Variants in PDE11A observed in about 807,000 individuals in gnomAD.
The protein encoded by PDE11A is phosphodiesterase 11A, also known as dual 3',5'-cyclic-AMP and -GMP phosphodiesterase 11A.
A neutral mutation model predicts 100.5 loss-of-function variants in PDE11A; 100 were observed. The observed-to-expected ratio is 1.00, with a 90% CI of 0.85 to 1.18. The LOEUF is 1.18. PDE11A is among the 50% of genes most tolerant of loss of function. The pLI, the probability that PDE11A is intolerant of heterozygous loss-of-function variation, is 0.00. For synonymous variants in PDE11A, 381 were observed against 420.8 expected, an observed-to-expected ratio of 0.91 and a Z score of 1.16; for missense variants, 1,141 against 1,152.6, an observed-to-expected ratio of 0.99 and a Z score of 0.15.
chr2:177,700,249 G>A (rs2081176801), intron 14 of PDE11A, among the ~76,000 whole-genome samples: 1 of 152,096 alleles, frequency 6.6e-6, no homozygotes, highest in African/African-American at 2.4e-5. Flanking sequence ...CAAAAGACAT[G>A]CTTTCTCAAG....
intron 9 of PDE11A, among the ~76,000 whole-genome samples, chr2:177,789,565 AG>A (rs1475351827): frequency 5.9e-5 from 9 of 151,788 alleles, no homozygotes; most frequent in Non-Finnish European, 1.2e-4. Flanking sequence ...AAGGAAATAA[AG>A]GGTATTCAAT....
chr2:177,821,780 C>T lies in PDE11A; in HGVS notation c.1501-1485G>A, dbSNP rs527754038. Among the ~76,000 whole-genome samples the T allele has an allele frequency of 4.6e-5, 7 of 151,860 alleles. No homozygotes were observed. In the South Asian group the frequency reaches 1.0e-3, roughly 23 times the overall value. ...TCCTGACATAATTATTAATAATATG[C>T]CTTTCATTCTCAAAAGTGTCTAAAT... On this transcript the variant is annotated intron_variant, in intron 6 of 19. Transcript: ENST00000286063.
intron 1 of PDE11A, among the ~76,000 whole-genome samples, chr2:178,026,317 T>C (rs1199383038): frequency 6.6e-6 from 1 of 152,196 alleles, no homozygotes; most frequent in Admixed American, 6.5e-5. Context: ...TTAGGTTTTA[T>C]TGTTAATATG....
upstream of PDE11A, chr2:178,073,075 G>T (rs1307549420): frequency 5.1e-6 from 5 of 985,230 alleles, no homozygotes; most frequent in African/African-American, 7.0e-5. Flanking sequence ...ATCCGTTAGC[G>T]TTTCGAGGAG....
intron 19 of PDE11A, among the ~76,000 whole-genome samples, chr2:177,643,043 C>T (rs923497511): frequency 6.6e-6 from 1 of 152,152 alleles, no homozygotes; most frequent in African/African-American, 2.4e-5. Context: ...ACTGTAAGTC[C>T]CTTAAACCTC....
chr2:177,807,446 G>A (rs10190560), intron 9 of PDE11A, among the ~76,000 whole-genome samples: 5,427 of 149,614 alleles, frequency 0.036, 296 homozygotes, highest in African/African-American at 0.12. Context: ...TTTTTGAGAC[G>A]GGGCTTGCTC....
intron 4 of PDE11A, among the ~76,000 whole-genome samples, chr2:177,891,057 T>A (rs1385153500): frequency 6.6e-6 from 1 of 152,232 alleles, no homozygotes; most frequent in Non-Finnish European, 1.5e-5. Context: ...AGGAATGCAG[T>A]AAGTATCCTT....
chr2:177,786,519 C>A (rs1487198139), intron 9 of PDE11A, among the ~76,000 whole-genome samples: 1 of 152,114 alleles, frequency 6.6e-6, no homozygotes, highest in African/African-American at 2.4e-5. Flanking sequence ...TCACCAGCAA[C>A]GGAACAAAGC....
intron 2 of PDE11A, among the ~76,000 whole-genome samples, chr2:178,099,572 T>C (rs1281229058): frequency 2.0e-5 from 3 of 151,558 alleles, no homozygotes; most frequent in Admixed American, 2.0e-4. Context: ...CCCATTAGGA[T>C]GGCTGTTATC....
At chr2:177,675,841 T>C in intron 16 of PDE11A, 1 of 425,262 alleles carries the variant, frequency 2.4e-6, no homozygotes, top group Non-Finnish European at 4.5e-6. Context: ...TAATGGACAA[T>C]GTTGTTGGGT....
intron 15 of PDE11A, among the ~76,000 whole-genome samples, chr2:177,686,311 A>G (rs1002782015): frequency 1.3e-5 from 2 of 152,204 alleles, no homozygotes; most frequent in Non-Finnish European, 2.9e-5. Flanking sequence ...TCACGCCTGT[A>G]ATCCCAGTGC....
chr2:177,887,514 A>G (rs1295600922), intron 4 of PDE11A, among the ~76,000 whole-genome samples: 3 of 152,154 alleles, frequency 2.0e-5, no homozygotes, highest in Non-Finnish European at 4.4e-5. Context: ...TTGTAATCCC[A>G]ACACTTTGGG....
intron 17 of PDE11A, among the ~76,000 whole-genome samples, chr2:177,670,137 G>A (rs960332104): frequency 6.6e-6 from 1 of 152,122 alleles, no homozygotes; most frequent in Non-Finnish European, 1.5e-5. Context: ...CAGGACTAAT[G>A]CCAGATTCAC....
At chr2:178,016,369 A>G (rs981187463) in intron 1 of PDE11A, among the ~76,000 whole-genome samples, 4 of 152,038 alleles carry the variant, frequency 2.6e-5, no homozygotes, top group South Asian at 2.1e-4. Flanking sequence ...GGAGAGTCCA[A>G]TTAAAGAGAG....
At chr2:177,841,917 TTC>T (rs1032778195) in intron 5 of PDE11A, among the ~76,000 whole-genome samples, 2 of 152,268 alleles carry the variant, frequency 1.3e-5, no homozygotes, top group Non-Finnish European at 2.9e-5. Context: ...AGTTTTTATT[TTC>T]TTTTTGCTGT....
chr2:178,096,946 G>T lies in PDE11A; in HGVS notation c.162+7356C>A, dbSNP rs561464482. ...CTGTCACCTAGGCTGTAGTGCAGTGGTGCAATCGCAACTCATTGCAACCTC... is the reference window on the plus strand; with the variant it reads ...CTGTCACCTAGGCTGTAGTGCAGTGTTGCAATCGCAACTCATTGCAACCTC... On this transcript the variant is annotated intron_variant, in intron 2 of 20. Transcript: ENST00000358450. 7.9e-5 allele frequency among the ~76,000 whole-genome samples: 12 copies of T among 152,188 alleles called. No individual in the cohort carries two copies. In the East Asian group the frequency reaches 2.3e-3, roughly 29 times the overall value.
At chr2:177,932,284 G>T (rs1453254539) in intron 2 of PDE11A, among the ~76,000 whole-genome samples, 1 of 151,960 alleles carries the variant, frequency 6.6e-6, no homozygotes, top group Non-Finnish European at 1.5e-5. Flanking sequence ...TGAAGAGGAG[G>T]GATTCTTCCC....
At chr2:177,818,033 G>A in intron 7 of PDE11A, 108 bp from the exon 8 acceptor site, 2 of 702,420 alleles carry the variant, frequency 2.8e-6, no homozygotes, top group Non-Finnish European at 5.3e-6. Flanking sequence ...ACTGCACTCA[G>A]TTTAAACTCT....
chr2:178,105,527 G>C, intron 1 of PDE11A: 1 of 276,860 alleles, frequency 3.6e-6, no homozygotes, highest in Middle Eastern at 1.1e-3. Context: ...TTTTTACAAA[G>C]ATATTTTGGT....
Sources: gnomAD v4.1 joint callset for allele counts (sites outside exome capture counted in the v4.1 genomes callset) on GRCh38, gnomAD v4.1.1 for gene constraint, MANE v1.5 for transcripts, NCBI Gene and HGNC (gene_info 2026-07-23, HGNC 2026-07-21) for gene names.